The following CAMTA1 variants were observed in gnomAD, a reference collection of about 807,000 sequenced individuals.
CAMTA1 encodes calmodulin-binding transcription activator 1.
A neutral mutation model predicts 170.9 loss-of-function variants in CAMTA1; 27 were observed. The observed-to-expected ratio is 0.16, with a 90% CI of 0.12 to 0.22. The LOEUF (loss-of-function observed/expected upper bound fraction) is 0.22, where lower values mean the gene tolerates loss of function less well. CAMTA1 is among the 10% of genes least tolerant of loss of function. The pLI, the probability that CAMTA1 is intolerant of heterozygous loss-of-function variation, is 1.00. For missense variants in CAMTA1, 1,619 were observed against 2,217.2 expected (o/e 0.73, Z 5.42); for synonymous variants, 833 against 891.5 (o/e 0.93, Z 1.17).
chr1:7,381,145 A>C (rs1181484220), intron 5 of CAMTA1, among the ~76,000 whole-genome samples: 3 of 151,694 alleles, frequency 2.0e-5, no homozygotes, highest in Non-Finnish European at 4.4e-5. Flanking sequence ...TCTTTTTTTT[A>C]TTTTTTATTT....
intron 5 of CAMTA1, among the ~76,000 whole-genome samples, chr1:7,312,157 G>A (rs1676826842): frequency 1.3e-5 from 2 of 152,156 alleles, no homozygotes; most frequent in Non-Finnish European, 2.9e-5. Context: ...AAAGCAACAT[G>A]AGTTCTCCTT....
chr1:6,836,969 T>TCTC (rs1284542392), intron 3 of CAMTA1, among the ~76,000 whole-genome samples: 1 of 141,626 alleles, frequency 7.1e-6, no homozygotes, highest in African/African-American at 2.6e-5. Context: ...TGAGATGGAG[T>TCTC]CTCTGTTGCA....
intron 4 of CAMTA1, among the ~76,000 whole-genome samples, chr1:7,246,695 C>CTTTTTTT (rs1665862154): frequency 8.8e-6 from 1 of 114,008 alleles, no homozygotes; most frequent in Non-Finnish European, 1.7e-5. Context: ...TTTTTTTTGA[C>CTTTTTTT]ATGCTTTGTG....
At chr1:7,199,927 G>A (rs968892022) in intron 4 of CAMTA1, among the ~76,000 whole-genome samples, 4 of 152,262 alleles carry the variant, frequency 2.6e-5, no homozygotes, top group Middle Eastern at 3.4e-3. Flanking sequence ...TGTCATGAAT[G>A]TTTATACACC....
intron 1 of CAMTA1, among the ~76,000 whole-genome samples, chr1:6,786,638 C>T (rs1301603528): frequency 6.6e-6 from 1 of 152,228 alleles, no homozygotes; most frequent in African/African-American, 2.4e-5. Flanking sequence ...TACTCTTACA[C>T]TTTGCTGGGT....
At chr1:7,601,878 T>C (rs150157986) in intron 6 of CAMTA1, among the ~76,000 whole-genome samples, 27,538 of 148,184 alleles carry the variant, frequency 0.19, 3,274 homozygotes, top group African/African-American at 0.34. Context: ...TGCAGTGAGC[T>C]GAGATGGCAG....
intron 19 of CAMTA1, 77 bp downstream of exon 19, chr1:7,747,858 G>A: frequency 2.3e-6 from 2 of 872,416 alleles, no homozygotes; most frequent in East Asian, 2.5e-5. Context: ...TGGCTAAAGA[G>A]CACTACATCT....
chr1:6,824,918 C>T (rs956998394), intron 2 of CAMTA1, among the ~76,000 whole-genome samples, 174 bp from the exon 3 acceptor site: 3 of 152,092 alleles, frequency 2.0e-5, no homozygotes, highest in Non-Finnish European at 4.4e-5. Flanking sequence ...TTCCTGCTGC[C>T]ATCAATCTGA....
chr1:7,374,626 T>C (rs1178720396), intron 5 of CAMTA1, among the ~76,000 whole-genome samples: 1 of 152,238 alleles, frequency 6.6e-6, no homozygotes, highest in East Asian at 1.9e-4. Flanking sequence ...GGATGGCTTC[T>C]AGCCTTACCT....
At chr1:7,522,193 A>T (rs1160669038) in intron 6 of CAMTA1, among the ~76,000 whole-genome samples, 1 of 152,088 alleles carries the variant, frequency 6.6e-6, no homozygotes, top group Non-Finnish European at 1.5e-5. Context: ...AGACATTTTG[A>T]TAGGTATGTA....
chr1:6,998,887 TATTC>T (rs1309478263), intron 3 of CAMTA1, among the ~76,000 whole-genome samples: 1 of 152,258 alleles, frequency 6.6e-6, no homozygotes. Flanking sequence ...AATATTCATT[TATTC>T]ATTTCTTTCT....
intron 11 of CAMTA1, among the ~76,000 whole-genome samples, chr1:7,703,977 G>A (rs2096472313): frequency 2.0e-5 from 3 of 151,942 alleles, no homozygotes; most frequent in African/African-American, 7.2e-5. Context: ...TCCAGCTAAG[G>A]GGGCCCAGCG....
intron 11 of CAMTA1, among the ~76,000 whole-genome samples, chr1:7,706,839 G>T (rs2096529388): frequency 1.3e-5 from 2 of 150,846 alleles, no homozygotes; most frequent in South Asian, 4.2e-4. Flanking sequence ...ATTATTTAAG[G>T]ATTTGGCTTT....
intron 3 of CAMTA1, among the ~76,000 whole-genome samples, chr1:6,863,392 G>T (rs1461324405): frequency 6.6e-6 from 1 of 152,064 alleles, no homozygotes; most frequent in African/African-American, 2.4e-5. Flanking sequence ...ACCCCCATCT[G>T]CTTACAGAGA....
At chr1:6,894,988 G>A (rs566982194) in intron 3 of CAMTA1, among the ~76,000 whole-genome samples, 4 of 152,298 alleles carry the variant, frequency 2.6e-5, no homozygotes, top group South Asian at 2.1e-4. Context: ...TAGGGAGGGC[G>A]AGGTCAAGGG....
intron 3 of CAMTA1, among the ~76,000 whole-genome samples, chr1:6,915,506 A>C (rs1433128828): frequency 6.6e-6 from 1 of 152,214 alleles, no homozygotes; most frequent in Non-Finnish European, 1.5e-5. Flanking sequence ...GGAAGAGAAG[A>C]AGCCAGGCCG....
intron 3 of CAMTA1, among the ~76,000 whole-genome samples, chr1:6,905,184 G>A (rs187994036): frequency 7.9e-6 from 1 of 125,944 alleles, no homozygotes; most frequent in African/African-American, 3.1e-5. Context: ...TCCTTGCCTT[G>A]TTCCTTTTTT....
intron 5 of CAMTA1, among the ~76,000 whole-genome samples, chr1:7,446,270 A>G (rs1308921704): frequency 6.6e-6 from 1 of 152,086 alleles, no homozygotes; most frequent in Non-Finnish European, 1.5e-5. Context: ...TCCCTATGAC[A>G]TGGATTATTA....
intron 6 of CAMTA1, among the ~76,000 whole-genome samples, chr1:7,514,170 C>T (rs2094246545): frequency 6.6e-6 from 1 of 152,216 alleles, no homozygotes; most frequent in Non-Finnish European, 1.5e-5. Flanking sequence ...GGAACAGTCC[C>T]TCACATCTGG....
Sources: gnomAD v4.1 joint callset for allele counts (sites outside exome capture counted in the v4.1 genomes callset) on GRCh38, gnomAD v4.1.1 for gene constraint, MANE v1.5 for transcripts, NCBI Gene and HGNC (gene_info 2026-07-23, HGNC 2026-07-21) for gene names.